BLOC1S6: variants seen among roughly 807,000 people sequenced by gnomAD.
The protein encoded by BLOC1S6 is biogenesis of lysosome-related organelles complex 1 subunit 6.
A neutral mutation model predicts 24.7 loss-of-function variants in BLOC1S6; 24 were observed. The ratio of observed to expected loss-of-function variants is 0.97; its 90% CI spans 0.70 to 1.37. BLOC1S6 has a LOEUF of 1.37. BLOC1S6 is among the 40% of genes most tolerant of loss of function. The pLI is 0.00. For missense variants in BLOC1S6, 175 were observed against 196.2 expected (o/e 0.89, Z 0.64); for synonymous variants, 76 against 72.6 (o/e 1.05, Z -0.23).
chr15:45,587,519 A>C lies in BLOC1S6; in HGVS notation c.76A>C (p.Thr26Pro). The change falls in exon 1 of 5, where the codon ACG becomes CCG. Residue 26 changes from threonine to proline, a missense_variant. By Grantham distance (38) the Thr-to-Pro change is conservative (BLOSUM62 -1). Transcript: ENST00000220531. ...CTACTGCCTGGAGGCCGGGGAGCCG[A>C]CGCCTGGTACGTACTATCGGGTGGG... Reference protein sequence around the residue: ...PPYCLEAGEPTPGLSDTSPDE... With the variant: ...PPYCLEAGEPPPGLSDTSPDE... The C allele has an allele frequency of 6.4e-7, 1 of 1,572,764 alleles. No individual in the cohort carries two copies. The highest frequency in any genetic ancestry group is 8.6e-7 in the Non-Finnish European group (1 of 1,159,840).
rs944685940 is a variant in BLOC1S6, at chr15:45,587,482, G to C, written c.39G>C (p.Leu13=). ...VPGPSSPDGA[L]TRPPYCLEAG... Reference sequence around the variant, plus strand: ...GGCCGTCGTCTCCGGACGGGGCCCTGACACGGCCACCCTACTGCCTGGAGG... The same window carrying C: ...GGCCGTCGTCTCCGGACGGGGCCCTCACACGGCCACCCTACTGCCTGGAGG... The change falls in exon 1 of 5, where the codon CTG becomes CTC. Residue 13 remains leucine, a synonymous_variant. Coordinates refer to ENST00000220531, the MANE Select transcript of BLOC1S6 (RefSeq NM_012388.4). The C allele has an allele frequency of 1.3e-6, 2 of 1,585,732 alleles. No homozygotes were observed. The highest frequency in any genetic ancestry group is 2.7e-5 in the African/African-American group (2 of 74,256).
intron 2 of BLOC1S6, 75 bp from the exon 3 acceptor site, chr15:45,603,025 A>G: frequency 2.1e-6 from 2 of 941,338 alleles, no homozygotes; most frequent in South Asian, 2.7e-5. Context: ...ATTAACCAAG[A>G]TGAATATGAT....
At chr15:45,595,333 T>C (rs1420773004) in intron 2 of BLOC1S6, among the ~76,000 whole-genome samples, 1 of 152,244 alleles carries the variant, frequency 6.6e-6, no homozygotes, top group Non-Finnish European at 1.5e-5. Context: ...TCCAAGGAGC[T>C]CATGGATAAC....
chr15:45,593,338 C>A (rs56245055), intron 2 of BLOC1S6, among the ~76,000 whole-genome samples: 3 of 145,460 alleles, frequency 2.1e-5, no homozygotes, highest in African/African-American at 2.6e-5. Flanking sequence ...GAGCTGAGAT[C>A]TGCACCACTG....
At chr15:45,593,169 G>A (rs1379280419) in intron 2 of BLOC1S6, among the ~76,000 whole-genome samples, 2 of 151,986 alleles carry the variant, frequency 1.3e-5, no homozygotes, top group Admixed American at 6.6e-5. Context: ...TGAGGCGGGC[G>A]GATCACTTGA....
chr15:45,587,818 A>G (rs1254700688), intron 1 of BLOC1S6: 2 of 698,248 alleles, frequency 2.9e-6, no homozygotes, highest in Non-Finnish European at 5.2e-6. Context: ...GTTATTTGTC[A>G]TACGGCAGTG....
At chr15:45,597,951 A>G (rs1204061684) in intron 2 of BLOC1S6, 12 of 348,256 alleles carry the variant, frequency 3.4e-5, no homozygotes, top group Non-Finnish European at 6.3e-5. Flanking sequence ...AAATACTGGC[A>G]AACCGAATCC....
intron 1 of BLOC1S6, 167 bp downstream of exon 1, chr15:45,587,692 C>G: frequency 1.3e-6 from 1 of 743,214 alleles, no homozygotes. Context: ...GCCCCTCTGC[C>G]CAGCGCAATG....
In BLOC1S6 at chr15:45,606,641, C is replaced by T; in HGVS notation, c.*127C>T. 7.5e-7 allele frequency: 1 copy of T among 1,341,688 alleles called. No homozygotes were observed. The highest frequency in any genetic ancestry group is 1.1e-6 in the Non-Finnish European group (1 of 942,784). 83.1% of individuals were successfully genotyped at this position (1,341,688 alleles called of 1,614,324 possible). A position where few individuals can be genotyped will look rare whatever the true frequency, so the allele number is the denominator to read the frequency against. On this transcript the variant is annotated 3_prime_UTR_variant, in exon 5 of 5. Coordinates refer to ENST00000220531, the MANE Select transcript of BLOC1S6 (RefSeq NM_012388.4). ...TGTTGAAATCCTTATTCCGGTATTA[C>T]TGTGTCTCCATGCCTTTTTTCCAAG...
At position 45,608,356 on chromosome 15, in the gene BLOC1S6, C is replaced by G. The variant is rs1422060821; in HGVS notation, c.*1842C>G. 1 of 152,166 alleles carries G rather than the reference C, an allele frequency of 6.6e-6. No individual in the cohort carries two copies. The highest frequency in any genetic ancestry group is 1.5e-5 in the Non-Finnish European group (1 of 68,026). 9.4% of individuals were successfully genotyped at this position (152,166 alleles called of 1,614,324 possible). A position where few individuals can be genotyped will look rare whatever the true frequency, so the allele number is the denominator to read the frequency against. On this transcript the variant is annotated 3_prime_UTR_variant, in exon 5 of 5. Coordinates refer to ENST00000220531, the MANE Select transcript of BLOC1S6 (RefSeq NM_012388.4). Reference sequence around the variant, plus strand: ...AAACACTTGCTAAAACTGCCTAGGGCAGGATTCATTAGGGCTTGCAGACAA... The same window carrying G: ...AAACACTTGCTAAAACTGCCTAGGGGAGGATTCATTAGGGCTTGCAGACAA...
chr15:45,587,647 C>A, intron 1 of BLOC1S6, 122 bp downstream of exon 1: 1 of 1,026,098 alleles, frequency 9.7e-7, no homozygotes, highest in Non-Finnish European at 1.5e-6. Context: ...GGCCCCCGGG[C>A]CCTGCCCCGA....
At chr15:45,594,729 G>A (rs187547182) in intron 2 of BLOC1S6, among the ~76,000 whole-genome samples, 24 of 152,076 alleles carry the variant, frequency 1.6e-4, no homozygotes, top group African/African-American at 4.3e-4. Context: ...GATTACAAGC[G>A]CGCACCACTC....
At chr15:45,606,178 C>T (rs1894450337) in intron 4 of BLOC1S6, among the ~76,000 whole-genome samples, 2 of 152,164 alleles carry the variant, frequency 1.3e-5, no homozygotes, top group South Asian at 4.1e-4. Flanking sequence ...GGCTTAGATT[C>T]TCTGGATATG....
chr15:45,596,043 C>T (rs1365228350), intron 2 of BLOC1S6, among the ~76,000 whole-genome samples: 14 of 152,168 alleles, frequency 9.2e-5, no homozygotes, highest in Admixed American at 4.6e-4. Context: ...TCAGGTGATC[C>T]GCCTGCCTCG....
At chr15:45,600,818 A>T (rs1338491553) in intron 2 of BLOC1S6, among the ~76,000 whole-genome samples, 2 of 152,234 alleles carry the variant, frequency 1.3e-5, no homozygotes, top group Non-Finnish European at 2.9e-5. Flanking sequence ...CTAGCCTCAT[A>T]GAATGAGTTG....
intron 2 of BLOC1S6, among the ~76,000 whole-genome samples, chr15:45,593,696 G>A (rs983533142): frequency 3.3e-5 from 5 of 152,066 alleles, no homozygotes; most frequent in Admixed American, 1.3e-4. Flanking sequence ...TTAGTGTTTC[G>A]AATAGCCCCT....
chr15:45,596,057 T>C lies in BLOC1S6; in HGVS notation c.224+3781T>C, dbSNP rs151066497. Among the ~76,000 whole-genome samples, 116 of 152,332 alleles carry C rather than the reference T, an allele frequency of 7.6e-4. 1 individual carries two copies. The East Asian group carries it at 0.018, about 24-fold the overall frequency. Reference sequence around the variant, plus strand: ...CTCAGGTGATCCGCCTGCCTCGGCCTCCCAAAGTGCTGGGATTAGAGGTGT... The same window carrying C: ...CTCAGGTGATCCGCCTGCCTCGGCCCCCCAAAGTGCTGGGATTAGAGGTGT... On this transcript the variant is annotated intron_variant, in intron 2 of 4. Transcript: ENST00000220531.
chr15:45,590,636 G>A (rs1370803979), intron 1 of BLOC1S6, among the ~76,000 whole-genome samples: 4 of 152,086 alleles, frequency 2.6e-5, no homozygotes, highest in African/African-American at 7.2e-5. Flanking sequence ...TCAAACTCCT[G>A]ACCTCAAGTG....
intron 1 of BLOC1S6, 81 bp from the exon 2 acceptor site, chr15:45,592,054 C>A: frequency 6.6e-7 from 1 of 1,505,944 alleles, no homozygotes; most frequent in Non-Finnish European, 9.0e-7. Flanking sequence ...TGTTCCTTCT[C>A]TAATCCCACT....
Sources: gnomAD v4.1 joint callset for allele counts (sites outside exome capture counted in the v4.1 genomes callset) on GRCh38, gnomAD v4.1.1 for gene constraint, MANE v1.5 for transcripts, NCBI Gene and HGNC (gene_info 2026-07-23, HGNC 2026-07-21) for gene names.